The following DENND1B variants were observed in gnomAD, a reference collection of about 807,000 sequenced individuals.
The protein encoded by DENND1B is DENN domain containing 1B, also known as DENN domain-containing protein 1B.
In DENND1B, 59 loss-of-function variants were observed where a neutral mutation model predicts 90.1. That is an observed-to-expected ratio of 0.65 (90% confidence interval 0.53 to 0.81). The LOEUF (loss-of-function observed/expected upper bound fraction) is 0.81. DENND1B is among the 40% of genes least tolerant of loss of function. DENND1B has a pLI of 0.00. For missense variants in DENND1B, 862 were observed against 912.6 expected (o/e 0.94, Z 0.71); for synonymous variants, 337 against 324.6 (o/e 1.04, Z -0.41).
chr1:197,558,295 C>A (rs926157674), intron 15 of DENND1B, among the ~76,000 whole-genome samples: 1 of 148,682 alleles, frequency 6.7e-6, no homozygotes, highest in Admixed American at 6.8e-5. Flanking sequence ...GATATTATCC[C>A]ATAGTATGGA....
chr1:197,704,930 A>AG (rs1222581570), intron 3 of DENND1B, among the ~76,000 whole-genome samples: 2 of 152,168 alleles, frequency 1.3e-5, no homozygotes, highest in African/African-American at 4.8e-5. Context: ...GCCTCTTACA[A>AG]GCACTGTGAC....
At position 197,511,025 on chromosome 1, in the gene DENND1B, T is replaced by A. The variant is rs1571680852; in HGVS notation, c.1816-53A>T. 6 of 1,416,344 alleles carry A rather than the reference T, an allele frequency of 4.2e-6. No individual in the cohort carries two copies. The African/African-American group carries it at 8.7e-5, about 20-fold the overall frequency. The allele number at this position is 1,416,344 out of a possible 1,614,324, so 87.7% of individuals were successfully genotyped here. A position where few individuals can be genotyped will look rare whatever the true frequency, so the allele number is the denominator to read the frequency against. ...AGAAAACTTTTAATAAGCATTAATTTAGTTCTTTTTTCTCTTTTGAAATAA... is the reference window on the plus strand; with the variant it reads ...AGAAAACTTTTAATAAGCATTAATTAAGTTCTTTTTTCTCTTTTGAAATAA... On this transcript the variant is annotated intron_variant, in intron 22 of 22. Coordinates refer to ENST00000620048, the MANE Select transcript of DENND1B (RefSeq NM_001195215.2).
At chr1:197,552,314 A>C in intron 16 of DENND1B, 1 of 982,266 alleles carries the variant, frequency 1.0e-6, no homozygotes, top group Non-Finnish European at 1.2e-6. Flanking sequence ...TGCCTAATAC[A>C]TTGTAAGCAC....
chr1:197,775,034 C>T, intron 1 of DENND1B, 105 bp downstream of exon 1: 2 of 820,102 alleles, frequency 2.4e-6, no homozygotes, highest in Non-Finnish European at 3.2e-6. Context: ...CAACCTCGGC[C>T]GCCCGGGGAG....
intron 14 of DENND1B, 64 bp downstream of exon 14, chr1:197,595,144 T>A (rs1675568982): frequency 6.5e-7 from 1 of 1,530,068 alleles, no homozygotes; most frequent in South Asian, 1.3e-5. Context: ...GTCTCTTTTT[T>A]TCTGTCTCAT....
chr1:197,717,521 T>C (rs1660758343), intron 2 of DENND1B, among the ~76,000 whole-genome samples: 1 of 151,954 alleles, frequency 6.6e-6, no homozygotes, highest in Non-Finnish European at 1.5e-5. Flanking sequence ...GAAGAATACT[T>C]GATTTTGACA....
At chr1:197,751,060 G>C (rs1450817513) in intron 2 of DENND1B, among the ~76,000 whole-genome samples, 5 of 151,952 alleles carry the variant, frequency 3.3e-5, no homozygotes, top group Non-Finnish European at 7.4e-5. Context: ...AAACATAAAA[G>C]GTTCGAAAAG....
intron 6 of DENND1B, among the ~76,000 whole-genome samples, chr1:197,653,523 T>C (rs1653470694): frequency 6.6e-6 from 1 of 152,118 alleles, no homozygotes; most frequent in African/African-American, 2.4e-5. Context: ...AAAAGTTACT[T>C]AAATAACCTA....
chr1:197,730,318 T>C (rs1662036515), intron 2 of DENND1B, among the ~76,000 whole-genome samples: 1 of 151,916 alleles, frequency 6.6e-6, no homozygotes, highest in Non-Finnish European at 1.5e-5. Flanking sequence ...AGACAGACTA[T>C]AAAAGGACAT....
At chr1:197,751,842 A>C (rs1653564672) in intron 2 of DENND1B, among the ~76,000 whole-genome samples, 1 of 131,156 alleles carries the variant, frequency 7.6e-6, no homozygotes, top group African/African-American at 2.9e-5. Context: ...AGGGGAGGGG[A>C]GGGGAAGGGA....
At chr1:197,757,605 A>C (rs974065909) in intron 2 of DENND1B, among the ~76,000 whole-genome samples, 1 of 152,184 alleles carries the variant, frequency 6.6e-6, no homozygotes, top group Middle Eastern at 3.2e-3. Context: ...GTCTGACAAA[A>C]TATAAACTTC....
Position 197,704,874 on chromosome 1 carries a change from G to A in DENND1B, c.126+10157C>T, listed in dbSNP as rs541569969. 2.0e-5 allele frequency among the ~76,000 whole-genome samples: 3 copies of A among 152,038 alleles called. No individual in the cohort carries two copies. The East Asian group carries it at 5.8e-4, about 29-fold the overall frequency. The stretch of plus-strand genomic sequence containing the variant: ...AAAAAATAAAGCTAAAAATTTAAGA[G>A]TAAACGCTTTTGAGTCAGACAAACA... On this transcript the variant is annotated intron_variant, in intron 3 of 22. Coordinates refer to ENST00000620048, the MANE Select transcript of DENND1B (RefSeq NM_001195215.2).
chr1:197,718,251 TC>T (rs377312104), intron 2 of DENND1B, among the ~76,000 whole-genome samples: 32 of 152,096 alleles, frequency 2.1e-4, no homozygotes, highest in African/African-American at 7.5e-4. Context: ...AGAGGAAAAG[TC>T]CCTGCGTTAC....
At chr1:197,654,020 T>C (rs1653532459) in intron 6 of DENND1B, among the ~76,000 whole-genome samples, 1 of 152,146 alleles carries the variant, frequency 6.6e-6, no homozygotes, top group Non-Finnish European at 1.5e-5. Context: ...TATTCAACTG[T>C]AAAATGATGT....
At chr1:197,577,146 G>T (rs1179157205) in intron 15 of DENND1B, among the ~76,000 whole-genome samples, 4 of 152,028 alleles carry the variant, frequency 2.6e-5, no homozygotes. Flanking sequence ...TTAGAGAGAT[G>T]AAGTCAATAT....
At chr1:197,621,144 T>C (rs571593404) in intron 10 of DENND1B, among the ~76,000 whole-genome samples, 5 of 151,324 alleles carry the variant, frequency 3.3e-5, no homozygotes, top group African/African-American at 9.7e-5. Context: ...TGAGGTCAGA[T>C]AGAGAAGCAG....
chr1:197,713,641 A>G (rs1571458043), intron 3 of DENND1B, among the ~76,000 whole-genome samples: 1 of 66,830 alleles, frequency 1.5e-5, no homozygotes. Context: ...GCTAGATGAC[A>G]CGTTAGTGGG....
chr1:197,510,121 T>G lies in DENND1B; in HGVS notation c.*339A>C. ...CTTGATCAGTTCATGCTCAACCAGATTAGTATAGTAGCTACTGGTTATGTG... is the reference window on the plus strand; with the variant it reads ...CTTGATCAGTTCATGCTCAACCAGAGTAGTATAGTAGCTACTGGTTATGTG... On this transcript the variant is annotated 3_prime_UTR_variant, in exon 23 of 23. Transcript: ENST00000620048. 4.5e-6 allele frequency: 1 copy of G among 223,990 alleles called. No homozygotes were observed. The highest frequency in any genetic ancestry group is 8.8e-6 in the Non-Finnish European group (1 of 113,468). The allele number at this position is 223,990 out of a possible 1,614,324, so 13.9% of individuals were successfully genotyped here.
intron 10 of DENND1B, among the ~76,000 whole-genome samples, chr1:197,641,588 G>A (rs909436550): frequency 5.9e-5 from 9 of 151,802 alleles, no homozygotes; most frequent in East Asian, 1.9e-4. Flanking sequence ...TCTCAAAATC[G>A]TATTTTTGAG....
Sources: allele counts gnomAD v4.1 joint callset (sites outside exome capture counted in the v4.1 genomes callset), GRCh38; gene constraint gnomAD v4.1.1; transcripts MANE v1.5; gene names NCBI Gene and HGNC (gene_info 2026-07-23, HGNC 2026-07-21).